The following FGF16 variants were observed in gnomAD, a reference collection of about 807,000 sequenced individuals.
FGF16 encodes the protein fibroblast growth factor 16.
In FGF16, 2 loss-of-function variants were observed where a neutral mutation model predicts 8.5. That is an observed-to-expected ratio of 0.24 (90% CI 0.10 to 0.75). The LOEUF (loss-of-function observed/expected upper bound fraction) is 0.75, where lower values mean the gene tolerates loss of function less well. Ranked by LOEUF, FGF16 falls within the 30% of genes least tolerant of loss-of-function variation. The probability of loss-of-function intolerance (pLI) is 0.74; values close to 1 mark genes in which losing one functional copy is unlikely to be tolerated. For synonymous variants in FGF16, 33 were observed against 34.6 expected, an observed-to-expected ratio of 0.95 and a Z score of 0.16; for missense variants, 79 against 87.4, an observed-to-expected ratio of 0.90 and a Z score of 0.38.
intron 1 of FGF16, among the ~76,000 whole-genome samples, chrX:77,448,360 A>G (rs2062547379): frequency 8.9e-6 from 1 of 112,024 alleles, no homozygotes; most frequent in Non-Finnish European, 1.9e-5. Context: ...ATTTCCTGGA[A>G]CAGGATCCTG....
At chrX:77,456,069 T>G (rs2062570854) in intron 2 of FGF16, among the ~76,000 whole-genome samples, 2 of 112,405 alleles carry the variant, frequency 1.8e-5, no homozygotes, top group African/African-American at 6.5e-5. Flanking sequence ...AAAACATTTC[T>G]GTGTAACTCA....
rs782034788 is a variant in FGF16, at chrX:77,454,272, GTTTTT to G, written c.378+38_378+42del. The stretch of plus-strand genomic sequence containing the variant: ...AACTCTATGGGTCGGTAAGTTTAAG[GTTTTT>G]TTTTTTTTTTTTTTTTTTTTTTTTT... On this transcript the variant is annotated intron_variant, in intron 2 of 2. Coordinates refer to ENST00000439435, the MANE Select transcript of FGF16 (RefSeq NM_003868.3). 422 of 150,146 alleles carry G rather than the reference GTTTTT, an allele frequency of 2.8e-3. No homozygotes were observed. The highest frequency in any genetic ancestry group is 4.1e-3 in the East Asian group (14 of 3,427). 12.4% of individuals were successfully genotyped at this position (150,146 alleles called of 1,213,427 possible). A position where few individuals can be genotyped will look rare whatever the true frequency, so the allele number is the denominator to read the frequency against.
Position 77,454,252 on chromosome X carries a change from T to C in FGF16, c.370T>C (p.Tyr124His). The C allele has an allele frequency of 1.2e-6, 1 of 830,174 alleles. No homozygotes were observed. Among genetic ancestry groups the C allele is most frequent in the Non-Finnish European group, 1.7e-6 (1 of 585,899 alleles). 68.4% of individuals were successfully genotyped at this position (830,174 alleles called of 1,213,427 possible). A position where few individuals can be genotyped will look rare whatever the true frequency, so the allele number is the denominator to read the frequency against. The change falls in exon 2 of 3, where the codon TAT becomes CAT. Residue 124 changes from tyrosine to histidine, a missense_variant. By Grantham distance (83) the Tyr-to-His change is moderately conservative. Transcript: ENST00000439435. ...AGGAATGAATGAGCGAGGAGAACTC[T>C]ATGGGTCGGTAAGTTTAAGGTTTTT... ...YLGMNERGEL[Y>H]GSKKLTRECV...
At chrX:77,451,406 C>T (rs2062556799) in intron 1 of FGF16, among the ~76,000 whole-genome samples, 1 of 112,331 alleles carries the variant, frequency 8.9e-6, no homozygotes, top group Non-Finnish European at 1.9e-5. Context: ...CCTGCCTGAG[C>T]AAAGCAAAGA....
At chrX:77,453,390 G>A (rs1487795949) in intron 1 of FGF16, among the ~76,000 whole-genome samples, 2 of 111,985 alleles carry the variant, frequency 1.8e-5, no homozygotes, top group Admixed American at 9.4e-5. Context: ...AATATTGTCC[G>A]CTAGGAGGAC....
chrX:77,456,281 A>T lies in FGF16; in HGVS notation c.383A>T (p.Lys128Ile). ...TTTATTTTCTCACCCTCACAGAAGA[A>T]ACTCACACGTGAATGTGTTTTCCGG... ...NERGELYGSK[K>I]LTRECVFREQ... The change falls in exon 3 of 3, where the codon AAA becomes ATA. Residue 128 changes from lysine (K) to isoleucine (I), a missense_variant. Lys to Ile is a moderately radical substitution (Grantham distance 102, BLOSUM62 -3). Coordinates refer to ENST00000439435, the MANE Select transcript of FGF16 (RefSeq NM_003868.3). 8.3e-7 allele frequency: 1 copy of T among 1,209,774 alleles called. No homozygotes were observed. Among genetic ancestry groups the T allele is most frequent in the South Asian group, 1.8e-5 (1 of 56,905 alleles).
At chrX:77,449,642 C>A (rs1266270218) in intron 1 of FGF16, among the ~76,000 whole-genome samples, 1 of 111,719 alleles carries the variant, frequency 9.0e-6, no homozygotes, top group African/African-American at 3.3e-5. Flanking sequence ...CTAAGCTGAG[C>A]CCAGTAACCT....
intron 1 of FGF16, among the ~76,000 whole-genome samples, chrX:77,450,262 T>A (rs1466549439): frequency 8.9e-6 from 1 of 111,982 alleles, no homozygotes; most frequent in Non-Finnish European, 1.9e-5. Context: ...AATAGCTATT[T>A]GTTGTAATTG....
intron 2 of FGF16, among the ~76,000 whole-genome samples, chrX:77,455,693 G>A (rs868994291): frequency 6.3e-5 from 7 of 111,550 alleles, no homozygotes; most frequent in South Asian, 7.6e-4. Flanking sequence ...GTAGTATGGC[G>A]GTTGGATCAA....
intron 1 of FGF16, among the ~76,000 whole-genome samples, chrX:77,449,305 G>GT (rs1404614828): frequency 9.0e-6 from 1 of 111,505 alleles, no homozygotes; most frequent in African/African-American, 3.3e-5. Flanking sequence ...TAATGGAGGG[G>GT]TGCAGGTGTC....
rs1488470282 is a variant in FGF16 at position 77,447,633 on chromosome X, CCG to C, written c.-34_-33del. 1.4e-5 allele frequency: 4 copies of C among 295,910 alleles called. No individual in the cohort carries two copies. Among genetic ancestry groups the C allele is most frequent in the African/African-American group, 2.7e-5 (1 of 36,632 alleles). 24.4% of individuals were successfully genotyped at this position (295,910 alleles called of 1,213,427 possible). The stretch of plus-strand genomic sequence containing the variant: ...TCGCGCCCCGTGGCCCCGGCTCGGC[CCG>C]CGCGCGCCCAGCACAACCAGCGCCG... On this transcript the variant is annotated 5_prime_UTR_variant, in exon 1 of 3. Coordinates refer to ENST00000439435, the MANE Select transcript of FGF16 (RefSeq NM_003868.3).
rs2062564823 is a variant in FGF16 at position 77,454,018 on chromosome X, T to C, written c.275-139T>C. The C allele has an allele frequency of 1.7e-5, 8 of 483,986 alleles. No homozygotes were observed. The East Asian group carries it at 3.1e-4, about 19-fold the overall frequency. The allele number at this position is 483,986 out of a possible 1,213,427, so 39.9% of individuals were successfully genotyped here. On this transcript the variant is annotated intron_variant, in intron 1 of 2. Coordinates refer to ENST00000439435, the MANE Select transcript of FGF16 (RefSeq NM_003868.3). Reference sequence around the variant, plus strand: ...GAGGTTCCATTCTTGCCGCAAAAGATGGTTTCATCAGGCATTTTATCAAAG... The same window carrying C: ...GAGGTTCCATTCTTGCCGCAAAAGACGGTTTCATCAGGCATTTTATCAAAG...
intron 1 of FGF16, among the ~76,000 whole-genome samples, chrX:77,448,181 G>A (rs891900215): frequency 7.1e-5 from 8 of 113,356 alleles, no homozygotes; most frequent in Middle Eastern, 4.6e-3. Context: ...TCCTTTCGCC[G>A]CTCCACAGTA....
rs2062573630 is a variant in FGF16 at position 77,456,699 on chromosome X, G to T, written c.*177G>T. 1 of 439,818 alleles carries T rather than the reference G, an allele frequency of 2.3e-6. No homozygotes were observed. The highest frequency in any genetic ancestry group is 3.8e-6 in the Non-Finnish European group (1 of 264,051). The allele number at this position is 439,818 out of a possible 1,213,427, so 36.2% of individuals were successfully genotyped here. A position where few individuals can be genotyped will look rare whatever the true frequency, so the allele number is the denominator to read the frequency against. On this transcript the variant is annotated 3_prime_UTR_variant, in exon 3 of 3. Coordinates refer to ENST00000439435, the MANE Select transcript of FGF16 (RefSeq NM_003868.3). ...TTGTTCAAAGTGTATATCAAGGTTG[G>T]GTTATTTTGGGGAGGGATGGGGGGC...
rs2062573892 is a variant in FGF16 at position 77,456,768 on chromosome X, T to G, written c.*246T>G. On this transcript the variant is annotated 3_prime_UTR_variant, in exon 3 of 3. Transcript: ENST00000439435. ...GTATATACTTTTTTCTTTACTCATG[T>G]TCCTTCCCCTGAGGTAGCATAACAA... 3.5e-6 allele frequency: 1 copy of G among 282,047 alleles called. No homozygotes were observed. Among genetic ancestry groups the G allele is most frequent in the Non-Finnish European group, 6.2e-6 (1 of 160,251 alleles). The allele number at this position is 282,047 out of a possible 1,213,427, so 23.2% of individuals were successfully genotyped here.
intron 1 of FGF16, among the ~76,000 whole-genome samples, chrX:77,452,514 G>T (rs1219262655): frequency 2.7e-5 from 3 of 112,604 alleles, no homozygotes; most frequent in Non-Finnish European, 5.6e-5. Flanking sequence ...TTCAGTGTGA[G>T]AGGCCAAAGG....
chrX:77,453,572 C>A (rs1231917609), intron 1 of FGF16, among the ~76,000 whole-genome samples: 1 of 111,721 alleles, frequency 9.0e-6, no homozygotes, highest in Non-Finnish European at 1.9e-5. Flanking sequence ...GGAGAAAGCT[C>A]TCATGTGGCC....
chrX:77,449,533 G>T (rs2062551064), intron 1 of FGF16, among the ~76,000 whole-genome samples: 1 of 111,212 alleles, frequency 9.0e-6, no homozygotes, highest in Non-Finnish European at 1.9e-5. Flanking sequence ...CAAAAAAAAA[G>T]ATCATGAAAT....
At position 77,447,396 on chromosome X, in the gene FGF16, G is replaced by A; in HGVS notation, c.-279G>A. 1 of 242,194 alleles carries A rather than the reference G, an allele frequency of 4.1e-6. No homozygotes were observed. The highest frequency in any genetic ancestry group is 7.4e-6 in the Non-Finnish European group (1 of 135,173). 20.0% of individuals were successfully genotyped at this position (242,194 alleles called of 1,213,427 possible). On this transcript the variant is annotated 5_prime_UTR_variant, in exon 1 of 3. Coordinates refer to ENST00000439435, the MANE Select transcript of FGF16 (RefSeq NM_003868.3). The stretch of plus-strand genomic sequence containing the variant: ...CGTTTGCATCTGATAGCTGGACGAA[G>A]CCAGCTATGAGAGGCCGGGGGAGAT...
Sources: gnomAD v4.1 joint callset for allele counts (sites outside exome capture counted in the v4.1 genomes callset) on GRCh38, gnomAD v4.1.1 for gene constraint, MANE v1.5 for transcripts, NCBI Gene and HGNC (gene_info 2026-07-23, HGNC 2026-07-21) for gene names.